MDGA2: variants seen among roughly 807,000 people sequenced by gnomAD.
MDGA2 encodes MAM domain-containing glycosylphosphatidylinositol anchor protein 2.
In MDGA2, 40 loss-of-function variants were observed where a neutral mutation model predicts 117.8. That is an observed-to-expected ratio of 0.34 (90% confidence interval 0.26 to 0.44). The LOEUF (loss-of-function observed/expected upper bound fraction) is 0.44. MDGA2 is among the 20% of genes least tolerant of loss of function. The pLI, the probability that MDGA2 is intolerant of heterozygous loss-of-function variation, is 1.00. For synonymous variants in MDGA2, 452 were observed against 439.0 expected, an observed-to-expected ratio of 1.03 and a Z score of -0.37; for missense variants, 1,123 against 1,250.6, an observed-to-expected ratio of 0.90 and a Z score of 1.54.
intron 1 of MDGA2, among the ~76,000 whole-genome samples, chr14:47,574,149 C>T (rs1229988961): frequency 6.6e-6 from 1 of 152,018 alleles, no homozygotes; most frequent in Non-Finnish European, 1.5e-5. Flanking sequence ...AGAGTCAGAC[C>T]AAGGAAGAGA....
chr14:47,094,343 C>A (rs7143478), intron 6 of MDGA2, among the ~76,000 whole-genome samples: 1 of 151,846 alleles, frequency 6.6e-6, no homozygotes, highest in South Asian at 2.1e-4. Context: ...TCAGGTCTTT[C>A]ATGTCAAAGT....
chr14:47,514,040 CAGA>C lies in MDGA2; in HGVS notation c.280+160474_280+160476del, dbSNP rs547018641. Among the ~76,000 whole-genome samples the C allele has an allele frequency of 2.2e-4, 34 of 152,194 alleles. No homozygotes were observed. In the South Asian group the frequency reaches 6.4e-3, roughly 29 times the overall value. On this transcript the variant is annotated intron_variant, in intron 1 of 16. Transcript: ENST00000399232. ...GACACCGGAGTGGGGAGTTGAAACT[CAGA>C]AGTTGACAACAAAGCCACCAACAGC...
intron 1 of MDGA2, among the ~76,000 whole-genome samples, chr14:47,362,772 C>T (rs566770341): frequency 2.0e-5 from 3 of 152,230 alleles, no homozygotes; most frequent in African/African-American, 7.2e-5. Flanking sequence ...AAGATGGAAG[C>T]TTTCTCACCA....
chr14:47,353,984 A>C (rs1431504406), intron 1 of MDGA2, among the ~76,000 whole-genome samples: 2 of 152,212 alleles, frequency 1.3e-5, no homozygotes, highest in Admixed American at 1.3e-4. Context: ...TCCCTGGAAT[A>C]CAAGGATGGT....
chr14:47,536,194 T>C (rs952794738), intron 1 of MDGA2, among the ~76,000 whole-genome samples: 27 of 152,020 alleles, frequency 1.8e-4, no homozygotes, highest in Non-Finnish European at 2.8e-4. Context: ...GGGTGAAGAA[T>C]TAGGGTGGAA....
chr14:47,606,382 G>T (rs1192828208), intron 1 of MDGA2, among the ~76,000 whole-genome samples: 3 of 152,118 alleles, frequency 2.0e-5, no homozygotes, highest in African/African-American at 7.2e-5. Context: ...ATTTTGATAT[G>T]GGCCTAATGA....
At position 46,873,417 on chromosome 14, in the gene MDGA2, A is replaced by G; in HGVS notation, c.2752+16T>C. Reference sequence around the variant, plus strand: ...ATCATTAATTTTGTAAGAATCAGTAATTATTGCTATCTCACCTATATGTTG... The same window carrying G: ...ATCATTAATTTTGTAAGAATCAGTAGTTATTGCTATCTCACCTATATGTTG... On this transcript the variant is annotated intron_variant, in intron 14 of 16. Transcript: ENST00000399232. The G allele has an allele frequency of 6.4e-7, 1 of 1,561,732 alleles. No individual in the cohort carries two copies. The highest frequency in any genetic ancestry group is 2.3e-5 in the East Asian group (1 of 43,358).
At chr14:47,170,930 G>A (rs758152060) in intron 3 of MDGA2, among the ~76,000 whole-genome samples, 3 of 152,078 alleles carry the variant, frequency 2.0e-5, no homozygotes, top group African/African-American at 7.2e-5. Context: ...AACTTTAAAT[G>A]TTTCGCTTTG....
At chr14:46,849,147 CA>C (rs1381289100) in intron 15 of MDGA2, among the ~76,000 whole-genome samples, 1 of 151,860 alleles carries the variant, frequency 6.6e-6, no homozygotes, top group African/African-American at 2.4e-5. Flanking sequence ...ACTCTTAGTA[CA>C]GTCATAATTT....
chr14:47,649,337 C>T (rs1300914133), intron 1 of MDGA2, among the ~76,000 whole-genome samples: 1 of 152,132 alleles, frequency 6.6e-6, no homozygotes, highest in African/African-American at 2.4e-5. Context: ...AATTCTGTGG[C>T]TCCAGTAAAA....
At chr14:46,958,302 G>C (rs955884558) in intron 8 of MDGA2, among the ~76,000 whole-genome samples, 4 of 152,062 alleles carry the variant, frequency 2.6e-5, no homozygotes, top group Admixed American at 6.6e-5. Context: ...AAGAGGAAGG[G>C]ATGTTCAGAG....
chr14:47,065,589 T>G (rs2138809230), intron 6 of MDGA2, among the ~76,000 whole-genome samples: 1 of 152,318 alleles, frequency 6.6e-6, no homozygotes, highest in Non-Finnish European at 1.5e-5. Flanking sequence ...ATTGTAGTTT[T>G]AGATTTAAAA....
At chr14:47,075,132 T>C (rs571420511) in intron 6 of MDGA2, among the ~76,000 whole-genome samples, 4 of 152,342 alleles carry the variant, frequency 2.6e-5, no homozygotes, top group Non-Finnish European at 5.9e-5. Flanking sequence ...TCTGTCCACA[T>C]TGGATTCAGT....
chr14:47,322,046 G>A (rs1051304801), intron 1 of MDGA2, among the ~76,000 whole-genome samples: 12 of 152,120 alleles, frequency 7.9e-5, no homozygotes, highest in South Asian at 2.1e-4. Flanking sequence ...AACTTCAAAC[G>A]TAAGAGGAAA....
At chr14:47,004,176 T>C (rs912938770) in intron 8 of MDGA2, among the ~76,000 whole-genome samples, 1 of 151,888 alleles carries the variant, frequency 6.6e-6, no homozygotes, top group Admixed American at 6.6e-5. Context: ...GGATAACTAA[T>C]AATTACACGG....
At chr14:47,653,133 A>C (rs896367663) in intron 1 of MDGA2, among the ~76,000 whole-genome samples, 1 of 152,222 alleles carries the variant, frequency 6.6e-6, no homozygotes, top group Non-Finnish European at 1.5e-5. Context: ...TCCTCACCAT[A>C]AGAACATGTG....
intron 3 of MDGA2, among the ~76,000 whole-genome samples, chr14:47,160,393 AAAC>A (rs1883583055): frequency 6.6e-6 from 1 of 152,158 alleles, no homozygotes; most frequent in Non-Finnish European, 1.5e-5. Context: ...ACAAACAAAC[AAAC>A]AACAACAACA....
chr14:46,905,715 A>G (rs756704211), intron 10 of MDGA2, among the ~76,000 whole-genome samples: 1 of 152,178 alleles, frequency 6.6e-6, no homozygotes, highest in Admixed American at 6.5e-5. Flanking sequence ...AATATTCATA[A>G]GCATAAAGTT....
chr14:47,070,628 C>T (rs1454518914), intron 6 of MDGA2, among the ~76,000 whole-genome samples: 2 of 152,006 alleles, frequency 1.3e-5, no homozygotes, highest in Admixed American at 6.6e-5. Context: ...TTTATTTTTA[C>T]ATAGTCTCGT....
Sources: allele counts gnomAD v4.1 joint callset (sites outside exome capture counted in the v4.1 genomes callset), GRCh38; gene constraint gnomAD v4.1.1; transcripts MANE v1.5; gene names NCBI Gene and HGNC (gene_info 2026-07-23, HGNC 2026-07-21).